Variants in EPHA4 observed in about 807,000 individuals in gnomAD.
EPHA4 encodes the protein EPH receptor A4.
A neutral mutation model predicts 108.3 loss-of-function variants in EPHA4; 19 were observed. The ratio of observed to expected loss-of-function variants is 0.18; its 90% confidence interval spans 0.12 to 0.26. The LOEUF is 0.26. EPHA4 is among the 10% of genes least tolerant of loss of function. The pLI, the probability that EPHA4 is intolerant of heterozygous loss-of-function variation, is 1.00. For missense variants in EPHA4, 917 were observed against 1,254.0 expected (o/e 0.73, Z 4.06); for synonymous variants, 449 against 455.5 (o/e 0.99, Z 0.18).
intron 3 of EPHA4, among the ~76,000 whole-genome samples, chr2:221,552,125 C>T (rs77218482): frequency 0.042 from 6,427 of 152,198 alleles, 403 homozygotes; most frequent in African/African-American, 0.15. Context: ...AAACCAGAGG[C>T]TGCTTATGTC....
intron 6 of EPHA4, 32 bp downstream of exon 6, chr2:221,457,834 A>G: frequency 6.3e-7 from 1 of 1,595,750 alleles, no homozygotes; most frequent in Admixed American, 1.7e-5. Context: ...GGAAGGAAGA[A>G]AGGAAAGGAG....
Position 221,426,554 on chromosome 2 carries a change from C to A in EPHA4, c.2756G>T (p.Trp919Leu), listed in dbSNP as rs1242040961. The change falls in exon 16 of 18, where the codon TGG becomes TTG. Residue 919 changes from tryptophan to leucine, a missense_variant. By Grantham distance (61) the Trp-to-Leu change is moderately conservative. Transcript: ENST00000281821. ...CCGGTCCATTTTAATGGCCTGGAGC[C>A]AATCGCCCACTGATACCACAGCAGA... ...EFSAVVSVGD[W>L]LQAIKMDRYK... 5.0e-6 allele frequency: 8 copies of A among 1,614,082 alleles called. No homozygotes were observed. The highest frequency in any genetic ancestry group is 6.8e-6 in the Non-Finnish European group (8 of 1,180,020).
At chr2:221,489,942 T>G (rs1692090615) in intron 4 of EPHA4, among the ~76,000 whole-genome samples, 1 of 151,986 alleles carries the variant, frequency 6.6e-6, no homozygotes, top group Non-Finnish European at 1.5e-5. Flanking sequence ...GCCTAAGAGT[T>G]CAAGATCAGC....
intron 3 of EPHA4, among the ~76,000 whole-genome samples, chr2:221,528,646 G>A (rs1216826152): frequency 1.3e-5 from 2 of 152,102 alleles, no homozygotes; most frequent in Non-Finnish European, 2.9e-5. Context: ...CTTTTTCCCA[G>A]ATTAGGAAAC....
chr2:221,547,496 TAAA>T (rs1363475327), intron 3 of EPHA4, among the ~76,000 whole-genome samples: 2 of 152,162 alleles, frequency 1.3e-5, no homozygotes, highest in Non-Finnish European at 2.9e-5. Flanking sequence ...AGAGTCAAAA[TAAA>T]AATAATTTGC....
chr2:221,443,668 A>T, intron 9 of EPHA4, 62 bp from the exon 10 acceptor site: 5 of 1,213,316 alleles, frequency 4.1e-6, no homozygotes, highest in Non-Finnish European at 6.0e-6. Context: ...AAACATAAAT[A>T]GTCTGGGTCT....
intron 3 of EPHA4, among the ~76,000 whole-genome samples, chr2:221,530,161 CCTG>C (rs1266044887): frequency 5.0e-4 from 76 of 151,356 alleles, no homozygotes; most frequent in Non-Finnish European, 6.8e-4. Flanking sequence ...GTTCTCTCTC[CCTG>C]CTTTTTTTTT....
At chr2:221,501,918 T>G (rs1692500565) in intron 3 of EPHA4, among the ~76,000 whole-genome samples, 1 of 152,146 alleles carries the variant, frequency 6.6e-6, no homozygotes, top group Non-Finnish European at 1.5e-5. Context: ...CAGCGAATAT[T>G]TTGTGTCTAT....
chr2:221,421,725 C>G (rs1689768073), intron 17 of EPHA4, among the ~76,000 whole-genome samples: 1 of 152,196 alleles, frequency 6.6e-6, no homozygotes, highest in Admixed American at 6.5e-5. Flanking sequence ...TGGACTATGC[C>G]TCCCACCACG....
At chr2:221,473,259 AAG>A (rs1252474210) in intron 5 of EPHA4, among the ~76,000 whole-genome samples, 2 of 152,210 alleles carry the variant, frequency 1.3e-5, no homozygotes, top group Non-Finnish European at 2.9e-5. Flanking sequence ...TTCATTAAAT[AAG>A]AGAGATATTT....
chr2:221,544,036 G>C (rs1313843847), intron 3 of EPHA4, among the ~76,000 whole-genome samples: 1 of 152,046 alleles, frequency 6.6e-6, no homozygotes, highest in African/African-American at 2.4e-5. Context: ...ATGGTAAAGG[G>C]GACTAGCTAG....
Position 221,420,158 on chromosome 2 carries a change from C to A in EPHA4, c.*1214G>T, listed in dbSNP as rs1216117056. On this transcript the variant is annotated 3_prime_UTR_variant, in exon 18 of 18. Coordinates refer to ENST00000281821, the MANE Select transcript of EPHA4 (RefSeq NM_004438.5). ...ACCTGACCTGGTGTCCATAGTAAGA[C>A]CTGTAGCATTTGGTCACTTGCTGCC... 6.6e-6 allele frequency: 1 copy of A among 152,622 alleles called. No individual in the cohort carries two copies. The highest frequency in any genetic ancestry group is 6.5e-5 in the Admixed American group (1 of 15,282). 9.5% of individuals were successfully genotyped at this position (152,622 alleles called of 1,614,324 possible). A position where few individuals can be genotyped will look rare whatever the true frequency, so the allele number is the denominator to read the frequency against.
At chr2:221,565,475 T>C (rs1389798696) in intron 2 of EPHA4, among the ~76,000 whole-genome samples, 1 of 152,142 alleles carries the variant, frequency 6.6e-6, no homozygotes, top group African/African-American at 2.4e-5. Flanking sequence ...AACATATGAA[T>C]ATAATTAGAA....
At position 221,522,880 on chromosome 2, in the gene EPHA4, G is replaced by T. The variant is rs188779589; in HGVS notation, c.824-21708C>A. Among the ~76,000 whole-genome samples, 19 of 151,852 alleles carry T rather than the reference G, an allele frequency of 1.3e-4. No individual in the cohort carries two copies. The East Asian group carries it at 3.7e-3, about 30-fold the overall frequency. On this transcript the variant is annotated intron_variant, in intron 3 of 17. Coordinates refer to ENST00000281821, the MANE Select transcript of EPHA4 (RefSeq NM_004438.5). ...CCTCCCAGGTTCAAGTGATTCTTTT[G>T]CCTCAGCCTCATGAGTAGCTGGGAT...
At chr2:221,525,790 A>C (rs1371569839) in intron 3 of EPHA4, among the ~76,000 whole-genome samples, 3 of 152,208 alleles carry the variant, frequency 2.0e-5, no homozygotes, top group Non-Finnish European at 4.4e-5. Context: ...TCTGAAAAAA[A>C]ATAAAACGTT....
At chr2:221,553,787 G>A (rs146200896) in intron 3 of EPHA4, among the ~76,000 whole-genome samples, 3 of 152,254 alleles carry the variant, frequency 2.0e-5, no homozygotes, top group Non-Finnish European at 4.4e-5. Flanking sequence ...GCTTTGAAGC[G>A]CATTAGTCTG....
At chr2:221,440,093 C>G (rs1690371505) in intron 11 of EPHA4, among the ~76,000 whole-genome samples, 1 of 152,100 alleles carries the variant, frequency 6.6e-6, no homozygotes, top group South Asian at 2.1e-4. Context: ...ATAAAATAGG[C>G]CTGGGCTGGG....
intron 5 of EPHA4, among the ~76,000 whole-genome samples, chr2:221,479,898 G>A (rs115727246): frequency 0.012 from 1,852 of 152,190 alleles, 27 homozygotes; most frequent in Admixed American, 0.04. Flanking sequence ...TTAAAATAAG[G>A]AGCTGGAATT....
intron 5 of EPHA4, among the ~76,000 whole-genome samples, chr2:221,459,690 G>T (rs1691080701): frequency 6.6e-6 from 1 of 152,068 alleles, no homozygotes. Context: ...TAAGAAAACT[G>T]CCTGGCTGTG....
Sources: allele counts gnomAD v4.1 joint callset (sites outside exome capture counted in the v4.1 genomes callset), GRCh38; gene constraint gnomAD v4.1.1; transcripts MANE v1.5; gene names NCBI Gene and HGNC (gene_info 2026-07-23, HGNC 2026-07-21).